The following TENM1 variants were observed in gnomAD, a reference collection of about 807,000 sequenced individuals.
The protein encoded by TENM1 is teneurin transmembrane protein 1, also known as teneurin-1.
Under a neutral mutation model 174.8 loss-of-function variants are expected in TENM1, and 35 were observed. That is an observed-to-expected ratio of 0.20 (90% CI 0.15 to 0.27). The LOEUF (loss-of-function observed/expected upper bound fraction) is 0.27, where lower values mean the gene tolerates loss of function less well. Ranked by LOEUF, TENM1 falls within the 10% of genes least tolerant of loss-of-function variation. The pLI, the probability that TENM1 is intolerant of heterozygous loss-of-function variation, is 1.00. For synonymous variants in TENM1, 781 were observed against 798.7 expected (o/e 0.98, Z 0.37); for missense variants, 1,633 against 2,130.1 (o/e 0.77, Z 4.59).
At chrX:124,802,378 G>A (rs748532873) in intron 3 of TENM1, among the ~76,000 whole-genome samples, 16 of 111,245 alleles carry the variant, frequency 1.4e-4, no homozygotes, top group East Asian at 5.7e-4. Flanking sequence ...TAGGGCTGCC[G>A]CAGTTTGCTG....
At chrX:125,161,769 A>G in the TENM1 span, among the ~76,000 whole-genome samples, 2 of 112,332 alleles carry the variant, frequency 1.8e-5, no homozygotes, top group African/African-American at 6.5e-5. Context: ...TATACTTTAA[A>G]TGGGTGAGTT....
At chrX:124,572,111 C>T (rs898519237) in intron 11 of TENM1, among the ~76,000 whole-genome samples, 21 of 110,300 alleles carry the variant, frequency 1.9e-4, no homozygotes, top group African/African-American at 6.6e-4. Context: ...TCTTAATAGG[C>T]CAATCTCACT....
intron 3 of TENM1, among the ~76,000 whole-genome samples, chrX:124,874,847 G>A (rs935027403): frequency 6.3e-5 from 7 of 111,070 alleles, no homozygotes; most frequent in African/African-American, 2.3e-4. Flanking sequence ...CTGTACTCCT[G>A]TTTGTATTTG....
At chrX:124,439,234 T>C (rs1035502117) in intron 23 of TENM1, among the ~76,000 whole-genome samples, 5 of 112,230 alleles carry the variant, frequency 4.5e-5, no homozygotes, top group African/African-American at 1.6e-4. Context: ...TTCTTTCTTA[T>C]GTACTCTAAT....
intron 3 of TENM1, among the ~76,000 whole-genome samples, chrX:124,880,186 G>C (rs771550830): frequency 2.2e-3 from 241 of 111,830 alleles, no homozygotes; most frequent in African/African-American, 7.4e-3. Context: ...CCACCTGTTT[G>C]TGTCCTCTTC....
In TENM1 at chrX:124,940,569, G is replaced by A. The variant is rs766517652; in HGVS notation, c.217+22968C>T. Among the ~76,000 whole-genome samples, 5 of 110,887 alleles carry A rather than the reference G, an allele frequency of 4.5e-5. No individual in the cohort carries two copies. In the South Asian group the frequency reaches 1.6e-3, roughly 35 times the overall value. On this transcript the variant is annotated intron_variant, in intron 1 of 31. Transcript: ENST00000422452. ...AGTTGACTTTCTGTCACTTACAACC[G>A]AGATTCTAACTTATATACTAACTTT...
At chrX:125,099,936 G>T in the TENM1 span, among the ~76,000 whole-genome samples, 1 of 111,498 alleles carries the variant, frequency 9.0e-6, no homozygotes, top group Non-Finnish European at 1.9e-5. Flanking sequence ...CAGGGATGCA[G>T]AATGCAAAAT....
At chrX:124,586,995 C>T (rs2049541557) in intron 11 of TENM1, among the ~76,000 whole-genome samples, 1 of 110,592 alleles carries the variant, frequency 9.0e-6, no homozygotes, top group Non-Finnish European at 1.9e-5. Context: ...CGTGAAGGAC[C>T]TCTTCAAGGA....
intron 3 of TENM1, among the ~76,000 whole-genome samples, chrX:124,804,250 A>G (rs2055533250): frequency 8.9e-6 from 1 of 112,215 alleles, no homozygotes; most frequent in African/African-American, 3.2e-5. Context: ...AAAAAAATGC[A>G]TAACATTTTT....
chrX:124,923,142 A>T, intron 1 of TENM1, among the ~76,000 whole-genome samples: 1 of 111,958 alleles, frequency 8.9e-6, no homozygotes, highest in African/African-American at 3.2e-5. Flanking sequence ...TCACAACTGT[A>T]ACTGCAGTTT....
intron 4 of TENM1, among the ~76,000 whole-genome samples, chrX:124,712,313 G>C (rs1009843629): frequency 9.0e-6 from 1 of 110,740 alleles, no homozygotes; most frequent in African/African-American, 3.3e-5. Flanking sequence ...CACCAACCAT[G>C]TACAAGGGTT....
the TENM1 span, among the ~76,000 whole-genome samples, chrX:125,175,755 G>A: frequency 1.2e-3 from 129 of 110,411 alleles, 3 homozygotes; most frequent in South Asian, 0.049. Flanking sequence ...AATAAGGGGA[G>A]GCGAAAAAGG....
intron 3 of TENM1, among the ~76,000 whole-genome samples, chrX:124,744,515 C>T (rs896855082): frequency 5.4e-5 from 6 of 111,619 alleles, no homozygotes; most frequent in Admixed American, 9.5e-5. Flanking sequence ...CTGTTATGTA[C>T]CATGAAACAT....
At chrX:125,115,808 A>G in the TENM1 span, among the ~76,000 whole-genome samples, 1 of 111,028 alleles carries the variant, frequency 9.0e-6, no homozygotes, top group Non-Finnish European at 1.9e-5. Flanking sequence ...AAATGGCCAT[A>G]CTACCCTAAG....
intron 3 of TENM1, among the ~76,000 whole-genome samples, chrX:124,797,226 C>T (rs1406071815): frequency 1.2e-4 from 13 of 111,737 alleles, no homozygotes; most frequent in Non-Finnish European, 2.3e-4. Flanking sequence ...AACTGAAGTT[C>T]GTGCTGATGT....
At chrX:124,408,340 G>T (rs2060486787) in intron 25 of TENM1, among the ~76,000 whole-genome samples, 1 of 102,418 alleles carries the variant, frequency 9.8e-6, no homozygotes, top group Admixed American at 1.1e-4. Flanking sequence ...ATGTGTTTTC[G>T]CCATGTTGGC....
At chrX:124,996,545 A>C in the TENM1 span, among the ~76,000 whole-genome samples, 5 of 93,074 alleles carry the variant, frequency 5.4e-5, no homozygotes, top group African/African-American at 1.9e-4. Flanking sequence ...TAAAAAAAAA[A>C]AAACCACACA....
chrX:125,161,642 A>C, the TENM1 span, among the ~76,000 whole-genome samples: 1 of 112,142 alleles, frequency 8.9e-6, no homozygotes, highest in Admixed American at 9.5e-5. Flanking sequence ...GGAAGGGAAA[A>C]TGGAGAGTGA....
chrX:124,933,989 T>C (rs1367827603), intron 1 of TENM1, among the ~76,000 whole-genome samples: 1 of 112,304 alleles, frequency 8.9e-6, no homozygotes, highest in African/African-American at 3.2e-5. Flanking sequence ...ACACATTATA[T>C]CTTTTTATGT....
Sources: gnomAD v4.1 joint callset for allele counts (sites outside exome capture counted in the v4.1 genomes callset) on GRCh38, gnomAD v4.1.1 for gene constraint, MANE v1.5 for transcripts, NCBI Gene and HGNC (gene_info 2026-07-23, HGNC 2026-07-21) for gene names.